The following NOS1AP variants were observed in gnomAD, a reference collection of about 807,000 sequenced individuals.
NOS1AP encodes the protein carboxyl-terminal PDZ ligand of neuronal nitric oxide synthase protein.
In NOS1AP, 21 loss-of-function variants were observed where a neutral mutation model predicts 56.2. The observed-to-expected ratio is 0.37, with a 90% confidence interval of 0.26 to 0.54. The LOEUF is 0.54. Ranked by LOEUF, NOS1AP falls within the 20% of genes least tolerant of loss-of-function variation. The pLI is 0.84. For missense variants in NOS1AP, 522 were observed against 657.8 expected, an observed-to-expected ratio of 0.79 and a Z score of 2.26; for synonymous variants, 270 against 274.6, an observed-to-expected ratio of 0.98 and a Z score of 0.17.
chr1:162,089,507 T>C (rs973746361), intron 1 of NOS1AP, among the ~76,000 whole-genome samples: 1 of 152,214 alleles, frequency 6.6e-6, no homozygotes, highest in Non-Finnish European at 1.5e-5. Flanking sequence ...CTCTGAGTAA[T>C]GGTCCCTCAA....
At chr1:162,320,557 T>C (rs1656378638) in intron 4 of NOS1AP, among the ~76,000 whole-genome samples, 1 of 152,146 alleles carries the variant, frequency 6.6e-6, no homozygotes, top group Admixed American at 6.5e-5. Context: ...GATACAAGAC[T>C]TTTAAAAAGT....
At chr1:162,224,307 A>G (rs1652876615) in intron 2 of NOS1AP, among the ~76,000 whole-genome samples, 1 of 152,162 alleles carries the variant, frequency 6.6e-6, no homozygotes, top group Non-Finnish European at 1.5e-5. Flanking sequence ...TATTTTTTCC[A>G]GGATTGAAAT....
At position 162,101,255 on chromosome 1, in the gene NOS1AP, G is replaced by A. The variant is rs563566946; in HGVS notation, c.105+30973G>A. Among the ~76,000 whole-genome samples, 5 of 152,182 alleles carry A rather than the reference G, an allele frequency of 3.3e-5. No individual in the cohort carries two copies. In the South Asian group the frequency reaches 1.0e-3, roughly 32 times the overall value. ...GAAGATCAGATGGTTGTAAGTGTGTGGTCTTCTTTCTGAGTTCTCTATTCT... is the reference window on the plus strand; with the variant it reads ...GAAGATCAGATGGTTGTAAGTGTGTAGTCTTCTTTCTGAGTTCTCTATTCT... On this transcript the variant is annotated intron_variant, in intron 1 of 9. Transcript: ENST00000361897.
At chr1:162,264,439 T>TC (rs1654340022) in intron 2 of NOS1AP, among the ~76,000 whole-genome samples, 2 of 6,976 alleles carry the variant, frequency 2.9e-4, no homozygotes, top group African/African-American at 4.7e-4. Context: ...TCTTCTCTTC[T>TC]CTTCTCTTCT....
At chr1:162,089,012 A>AGAC (rs1284022255) in intron 1 of NOS1AP, among the ~76,000 whole-genome samples, 1 of 152,112 alleles carries the variant, frequency 6.6e-6, no homozygotes, top group Non-Finnish European at 1.5e-5. Context: ...TTTGTGTCTC[A>AGAC]GACCTGGAAT....
At chr1:162,212,959 G>C (rs1311680350) in intron 2 of NOS1AP, among the ~76,000 whole-genome samples, 1 of 152,166 alleles carries the variant, frequency 6.6e-6, no homozygotes, top group East Asian at 1.9e-4. Context: ...CAGCTGCCTT[G>C]AGCCCAAGTG....
chr1:162,170,283 C>T (rs1650701800), intron 2 of NOS1AP, among the ~76,000 whole-genome samples: 2 of 152,154 alleles, frequency 1.3e-5, no homozygotes, highest in Non-Finnish European at 2.9e-5. Context: ...TACATGTATT[C>T]ATCTTGGTTG....
At chr1:162,143,004 T>C (rs1415803763) in intron 1 of NOS1AP, among the ~76,000 whole-genome samples, 4 of 152,238 alleles carry the variant, frequency 2.6e-5, no homozygotes, top group Non-Finnish European at 5.9e-5. Context: ...GATTAATGAC[T>C]GCACTGCAGA....
intron 5 of NOS1AP, among the ~76,000 whole-genome samples, chr1:162,341,058 T>C (rs1464396695): frequency 6.6e-6 from 1 of 152,132 alleles, no homozygotes; most frequent in Admixed American, 6.5e-5. Context: ...GTGAAGTCAT[T>C]CTCCCACCAC....
chr1:162,099,384 G>A (rs1366495084), intron 1 of NOS1AP, among the ~76,000 whole-genome samples: 45 of 151,944 alleles, frequency 3.0e-4, no homozygotes, highest in Admixed American at 2.9e-3. Context: ...TAGAGATGGG[G>A]TTTCACCGTG....
intron 8 of NOS1AP, chr1:162,360,657 C>G (rs1397867081): frequency 2.7e-6 from 1 of 365,104 alleles, no homozygotes; most frequent in African/African-American, 2.1e-5. Context: ...GTTAGAGGAA[C>G]AGTGCTAACA....
intron 1 of NOS1AP, among the ~76,000 whole-genome samples, chr1:162,091,858 T>C (rs1692137611): frequency 6.6e-6 from 1 of 152,156 alleles, no homozygotes; most frequent in South Asian, 2.1e-4. Flanking sequence ...TGTCAACCAC[T>C]ACGTGGGCAT....
chr1:162,082,074 C>G (rs999536326), intron 1 of NOS1AP, among the ~76,000 whole-genome samples: 1 of 151,904 alleles, frequency 6.6e-6, no homozygotes, highest in African/African-American at 2.4e-5. Context: ...TTTTCCTGAT[C>G]CTCTCCCTCT....
At chr1:162,237,941 T>C (rs1337237467) in intron 2 of NOS1AP, among the ~76,000 whole-genome samples, 1 of 151,860 alleles carries the variant, frequency 6.6e-6, no homozygotes, top group African/African-American at 2.4e-5. Context: ...ATGAGAGGAG[T>C]GTGAAGCACT....
intron 1 of NOS1AP, among the ~76,000 whole-genome samples, chr1:162,111,765 G>A (rs192022699): frequency 7.0e-4 from 106 of 152,312 alleles, no homozygotes; most frequent in Non-Finnish European, 1.3e-3. Flanking sequence ...GTCTTGGAAT[G>A]CTGATGTAGT....
intron 8 of NOS1AP, chr1:162,363,234 A>G (rs2101828079): frequency 6.6e-6 from 1 of 152,622 alleles, no homozygotes; most frequent in Admixed American, 6.5e-5. Flanking sequence ...CTCTCCTTGG[A>G]CTCAACTGAT....
At chr1:162,178,892 A>G (rs1277552643) in intron 2 of NOS1AP, among the ~76,000 whole-genome samples, 2 of 152,346 alleles carry the variant, frequency 1.3e-5, no homozygotes, top group Admixed American at 1.3e-4. Context: ...CACCAAAGTA[A>G]AAAGACTAGT....
intron 4 of NOS1AP, among the ~76,000 whole-genome samples, chr1:162,323,424 T>A (rs1432550716): frequency 6.6e-6 from 1 of 152,266 alleles, no homozygotes; most frequent in African/African-American, 2.4e-5. Context: ...ACAGCAGCCC[T>A]AAGAAATTAA....
chr1:162,303,414 A>G (rs1359778758), intron 4 of NOS1AP, among the ~76,000 whole-genome samples: 1 of 152,074 alleles, frequency 6.6e-6, no homozygotes, highest in Non-Finnish European at 1.5e-5. Flanking sequence ...TTTAATTTGC[A>G]TTTTCATAAT....
Sources: allele counts gnomAD v4.1 joint callset (sites outside exome capture counted in the v4.1 genomes callset), GRCh38; gene constraint gnomAD v4.1.1; transcripts MANE v1.5; gene names NCBI Gene and HGNC (gene_info 2026-07-23, HGNC 2026-07-21).